The following ABCA13 variants were observed in gnomAD, a reference collection of about 807,000 sequenced individuals.
ABCA13 encodes the protein ATP binding cassette subfamily A member 13.
A neutral mutation model predicts 478.7 loss-of-function variants in ABCA13; 476 were observed. The observed-to-expected ratio is 0.99, with a 90% CI of 0.92 to 1.07. The LOEUF is 1.07. ABCA13 is among the 50% of genes least tolerant of loss of function. The pLI, the probability that ABCA13 is intolerant of heterozygous loss-of-function variation, is 0.00. For missense variants in ABCA13, 6,060 were observed against 5,910.6 expected (o/e 1.03, Z -0.83); for synonymous variants, 2,252 against 2,158.9 (o/e 1.04, Z -1.20).
At chr7:48,461,382 C>T (rs1563295662) in intron 43 of ABCA13, among the ~76,000 whole-genome samples, 1 of 152,330 alleles carries the variant, frequency 6.6e-6, no homozygotes, top group South Asian at 2.1e-4. Flanking sequence ...TTGGATACCC[C>T]AAGAGCATTC....
At chr7:48,415,287 TG>T (rs145209802) in intron 41 of ABCA13, among the ~76,000 whole-genome samples, 29,569 of 152,026 alleles carry the variant, frequency 0.19, 3,253 homozygotes, top group East Asian at 0.25. Flanking sequence ...TTTGCCATCC[TG>T]GGTCACTTGG....
intron 57 of ABCA13, 105 bp downstream of exon 57, chr7:48,587,393 G>A: frequency 7.5e-7 from 1 of 1,328,130 alleles, no homozygotes; most frequent in Non-Finnish European, 1.0e-6. Context: ...AACTTGCAAA[G>A]CTGGTTCTAC....
intron 8 of ABCA13, among the ~76,000 whole-genome samples, chr7:48,238,661 G>C (rs1286896905): frequency 2.0e-5 from 3 of 152,030 alleles, no homozygotes; most frequent in Non-Finnish European, 4.4e-5. Flanking sequence ...GTAGAGACGG[G>C]GTTTCACCAT....
intron 46 of ABCA13, 112 bp from the exon 47 acceptor site, chr7:48,482,964 T>A (rs1477266126): frequency 1.3e-6 from 1 of 747,922 alleles, no homozygotes; most frequent in Non-Finnish European, 2.1e-6. Flanking sequence ...GATGCTCAGT[T>A]GGCTACTGTC....
chr7:48,306,013 A>G (rs1800848160), intron 23 of ABCA13, among the ~76,000 whole-genome samples: 1 of 152,210 alleles, frequency 6.6e-6, no homozygotes, highest in Non-Finnish European at 1.5e-5. Flanking sequence ...ATCAAGCACA[A>G]CTCAGTGTTG....
intron 57 of ABCA13, among the ~76,000 whole-genome samples, chr7:48,593,791 T>A (rs990986607): frequency 6.6e-6 from 1 of 152,092 alleles, no homozygotes; most frequent in African/African-American, 2.4e-5. Context: ...TGGGAAATTC[T>A]TTATCTCTTT....
At chr7:48,640,234 C>A (rs1418394178) in intron 59 of ABCA13, among the ~76,000 whole-genome samples, 1 of 152,044 alleles carries the variant, frequency 6.6e-6, no homozygotes, top group African/African-American at 2.4e-5. Flanking sequence ...GGGGGAAGGA[C>A]TTTTATAAGG....
intron 10 of ABCA13, 148 bp downstream of exon 10, chr7:48,241,214 A>G (rs918488509): frequency 2.0e-6 from 2 of 1,014,514 alleles, no homozygotes; most frequent in Non-Finnish European, 1.4e-6. Context: ...AGAGGCTTTC[A>G]TTGTGGACCA....
At chr7:48,377,193 C>CA (rs528881294) in intron 35 of ABCA13, among the ~76,000 whole-genome samples, 1,230 of 73,442 alleles carry the variant, frequency 0.017, 7 homozygotes, top group South Asian at 0.033. Context: ...TATCAATGGC[C>CA]AAAAAAAAAA....
chr7:48,260,031 C>T (rs113381995), intron 15 of ABCA13, among the ~76,000 whole-genome samples: 6 of 152,040 alleles, frequency 3.9e-5, no homozygotes, highest in African/African-American at 1.4e-4. Flanking sequence ...GCCTTATATT[C>T]CTTAGATTTC....
In ABCA13 at chr7:48,507,968, G is replaced by A. The variant is rs376330559; in HGVS notation, c.13443G>A (p.Arg4481=). 1 of 1,613,826 alleles carries A rather than the reference G, an allele frequency of 6.2e-7. No homozygotes were observed. Among genetic ancestry groups the A allele is most frequent in the Non-Finnish European group, 8.5e-7 (1 of 1,179,822 alleles). The change falls in exon 50 of 62, where the codon AGG becomes AGA. Residue 4481 remains arginine (R), a synonymous_variant. Coordinates refer to ENST00000435803, the MANE Select transcript of ABCA13 (RefSeq NM_152701.5). Reference sequence around the variant, plus strand: ...TCGGCAGCTCTGTGGTGAGGGACAGGGTGATTGGAGCCAAAAGGTTGCAGC... The same window carrying A: ...TCGGCAGCTCTGTGGTGAGGGACAGAGTGATTGGAGCCAAAAGGTTGCAGC... The part of the protein sequence containing the change: ...ASIGSSVVRD[R]VIGAKRLQHI...
Position 48,367,821 on chromosome 7 carries a change from TC to T in ABCA13, c.10718del (p.Pro3573HisfsTer2). 3 of 1,572,700 alleles carry T rather than the reference TC, an allele frequency of 1.9e-6. No homozygotes were observed. Among genetic ancestry groups the T allele is most frequent in the Non-Finnish European group, 2.6e-6 (3 of 1,157,566 alleles). On this transcript the variant is annotated frameshift_variant, in exon 32 of 62. Coordinates refer to ENST00000435803, the MANE Select transcript of ABCA13 (RefSeq NM_152701.5). LOFTEE classifies it high-confidence loss of function. ...LFLNNVGFFF[P>X]LIMMLTWMVS... ...TCCTGAACAACGTTGGTTTCTTTTT[TC>T]CACTGATAATGATGCTGACGTGGAT...
chr7:48,418,167 G>A (rs1028020663), intron 41 of ABCA13, among the ~76,000 whole-genome samples: 95 of 152,274 alleles, frequency 6.2e-4, no homozygotes, highest in African/African-American at 2.3e-3. Flanking sequence ...ATTTTTGTGT[G>A]GACATAAGTT....
chr7:48,574,732 A>C (rs776074156), intron 55 of ABCA13, among the ~76,000 whole-genome samples: 6 of 152,172 alleles, frequency 3.9e-5, no homozygotes, highest in Non-Finnish European at 5.9e-5. Context: ...CAACATCATT[A>C]CTTCTTCTTC....
chr7:48,347,693 G>A (rs1478435086), intron 29 of ABCA13, among the ~76,000 whole-genome samples: 2 of 152,184 alleles, frequency 1.3e-5, no homozygotes, highest in African/African-American at 4.8e-5. Context: ...AATCTGGAAA[G>A]TCCCCTGCCA....
chr7:48,284,059 T>G (rs894942024), intron 19 of ABCA13, among the ~76,000 whole-genome samples: 1 of 152,200 alleles, frequency 6.6e-6, no homozygotes, highest in African/African-American at 2.4e-5. Flanking sequence ...AAGATGCATC[T>G]CCCTGCATGC....
At chr7:48,483,306 A>G in intron 47 of ABCA13, 143 bp downstream of exon 47, 1 of 703,580 alleles carries the variant, frequency 1.4e-6, no homozygotes, top group South Asian at 2.4e-5. Context: ...AATTATATGT[A>G]AACATTGTCT....
chr7:48,470,395 T>G lies in ABCA13; in HGVS notation c.12906-1135T>G, dbSNP rs889539114. On this transcript the variant is annotated intron_variant, in intron 44 of 61. Coordinates refer to ENST00000435803, the MANE Select transcript of ABCA13 (RefSeq NM_152701.5). ...CATATATTAAATTATAAACACTTGT[T>G]AACCATCATCTAAGGCATCTGAAGG... Among the ~76,000 whole-genome samples the G allele has an allele frequency of 7.2e-5, 11 of 152,342 alleles. 2 individuals carry two copies. Among genetic ancestry groups the G allele is most frequent in the Middle Eastern group, 6.8e-3 (2 of 294 alleles).
chr7:48,574,746 AT>A (rs1204878155), intron 55 of ABCA13, among the ~76,000 whole-genome samples: 1 of 152,060 alleles, frequency 6.6e-6, no homozygotes, highest in Admixed American at 6.6e-5. Context: ...CTTCTTCCTC[AT>A]TTTATATGTG....
Sources: gnomAD v4.1 joint callset for allele counts (sites outside exome capture counted in the v4.1 genomes callset) on GRCh38, gnomAD v4.1.1 for gene constraint, MANE v1.5 for transcripts, NCBI Gene and HGNC (gene_info 2026-07-23, HGNC 2026-07-21) for gene names.